MAPK3: variants seen among roughly 807,000 people sequenced by gnomAD.
MAPK3 encodes MAPK 1.
Under a neutral mutation model 41.8 loss-of-function variants are expected in MAPK3, and 30 were observed. That is an observed-to-expected ratio of 0.72 (90% CI 0.54 to 0.97). The LOEUF is 0.97. Among genes scored for constraint, MAPK3 ranks in the 50% least tolerant of loss-of-function variants. The probability of loss-of-function intolerance (pLI) is 0.00; values close to 1 mark genes in which losing one functional copy is unlikely to be tolerated. For synonymous variants in MAPK3, 222 were observed against 213.4 expected (o/e 1.04, Z -0.35); for missense variants, 413 against 509.9 (o/e 0.81, Z 1.83).
In MAPK3 at chr16:30,117,576, C is replaced by T. The variant is rs1018175682; in HGVS notation, c.775+94G>A. 16 of 955,546 alleles carry T rather than the reference C, an allele frequency of 1.7e-5. No individual in the cohort carries two copies. The African/African-American group carries it at 2.6e-4, about 15-fold the overall frequency. 59.2% of individuals were successfully genotyped at this position (955,546 alleles called of 1,614,324 possible). A position where few individuals can be genotyped will look rare whatever the true frequency, so the allele number is the denominator to read the frequency against. On this transcript the variant is annotated intron_variant, in intron 5 of 8. Transcript: ENST00000263025. ...AGATACCATGAGATGCTGGAGGCAC[C>T]CCACACGTGGTGGTATCCCTGACTT...
intron 2 of MAPK3, among the ~76,000 whole-genome samples, chr16:30,121,275 A>T (rs942164052): frequency 1.3e-5 from 2 of 151,630 alleles, no homozygotes; most frequent in Non-Finnish European, 2.9e-5. Flanking sequence ...TGCCCCGCTA[A>T]TTTTTTTGTA....
Position 30,122,007 on chromosome 16 carries a change from C to T in MAPK3, c.171-1G>A. 6.2e-7 allele frequency: 1 copy of T among 1,613,904 alleles called. No homozygotes were observed. The highest frequency in any genetic ancestry group is 8.5e-7 in the Non-Finnish European group (1 of 1,180,024). ...CTTGCGCACGTGGTCATAGGCCGAG[C>T]TGAGGGGACCGGAGAGAGGCTGCTG... On this transcript the variant is annotated splice_acceptor_variant, in intron 1 of 8. Transcript: ENST00000263025. LOFTEE classifies it high-confidence loss of function.
intron 5 of MAPK3, 36 bp downstream of exon 5, chr16:30,117,634 A>G (rs1041270599): frequency 6.5e-7 from 1 of 1,531,068 alleles, no homozygotes; most frequent in Non-Finnish European, 9.1e-7. Flanking sequence ...CGGAAAAGCT[A>G]ATCATCCCCA....
intron 7 of MAPK3, 50 bp from the exon 8 acceptor site, chr16:30,116,840 C>A (rs376026029): frequency 6.2e-7 from 1 of 1,613,256 alleles, no homozygotes; most frequent in Admixed American, 1.7e-5. Flanking sequence ...GGGATGCCTA[C>A]GTGCCCCCCT....
intron 2 of MAPK3, 27 bp from the exon 3 acceptor site, chr16:30,118,565 A>G (rs1230402536): frequency 1.9e-6 from 3 of 1,590,170 alleles, no homozygotes. Context: ...AGACCCCCCC[A>G]GGCAGGGGGC....
intron 2 of MAPK3, among the ~76,000 whole-genome samples, chr16:30,121,141 C>G (rs915946021): frequency 1.3e-5 from 2 of 152,144 alleles, no homozygotes; most frequent in African/African-American, 4.8e-5. Flanking sequence ...CAGAGTCTCG[C>G]TCTGTCACCC....
At chr16:30,120,824 T>C (rs2073008710) in intron 2 of MAPK3, among the ~76,000 whole-genome samples, 1 of 150,184 alleles carries the variant, frequency 6.7e-6, no homozygotes, top group Non-Finnish European at 1.5e-5. Flanking sequence ...GCTGGGACTA[T>C]AGTCGTGTAC....
At position 30,118,475 on chromosome 16, in the gene MAPK3, G is replaced by T; in HGVS notation, c.417C>A (p.Ser139Arg). 6.2e-7 allele frequency: 1 copy of T among 1,614,076 alleles called. No homozygotes were observed. The highest frequency in any genetic ancestry group is 8.5e-7 in the Non-Finnish European group (1 of 1,180,004). ...LYKLLKSQQL[S>R]NDHICYFLYQ... ...AGAGGAAGTAGCAGATATGGTCATT[G>T]CTCAGCTGCTGGCTTTTCAGCAACT... is the stretch of plus-strand genomic sequence containing the variant. The change falls in exon 3 of 9, where the codon AGC becomes AGA. Residue 139 changes from serine to arginine, a missense_variant. This residue lies in a region of MAPK3 where 140 missense variants were observed against 206.0 expected (regional missense o/e 0.68). Coordinates refer to ENST00000263025, the MANE Select transcript of MAPK3 (RefSeq NM_002746.3).
chr16:30,116,923 G>A lies in MAPK3; in HGVS notation c.988C>T (p.Leu330=), dbSNP rs778983958. 1 of 1,613,974 alleles carries A rather than the reference G, an allele frequency of 6.2e-7. No individual in the cohort carries two copies. Among genetic ancestry groups the A allele is most frequent in the Non-Finnish European group, 8.5e-7 (1 of 1,179,946 alleles). The change falls in exon 7 of 9, where the codon CTG becomes TTG. Residue 330 remains leucine, a synonymous_variant. Coordinates refer to ENST00000263025, the MANE Select transcript of MAPK3 (RefSeq NM_002746.3). ...TVEEALAHPY[L]EQYYDPTDEP... ...TCCGTCGGGTCATAGTACTGCTCCA[G>A]GTAGGGGTGAGCCAGCGCTTCCTCC...
intron 2 of MAPK3, 143 bp downstream of exon 2, chr16:30,121,681 G>T (rs1307126985): frequency 4.7e-6 from 4 of 844,442 alleles, no homozygotes; most frequent in Non-Finnish European, 1.8e-6. Context: ...GTTACACTGT[G>T]GCTTCCCCTC....
rs777789465 is a variant in MAPK3, at chr16:30,117,812, C to T, written c.661-28G>A. ...GGGGGAGAGGAGGAAGTGGTGAGCT[C>T]CTGGGCCAGCCTCAACAGGGTCCTG... On this transcript the variant is annotated intron_variant, in intron 4 of 8. Coordinates refer to ENST00000263025, the MANE Select transcript of MAPK3 (RefSeq NM_002746.3). 8.4e-6 allele frequency: 13 copies of T among 1,547,104 alleles called. No individual in the cohort carries two copies. In the East Asian group the frequency reaches 9.0e-5, roughly 11 times the overall value.
In MAPK3 at chr16:30,114,677, C is replaced by G. The variant is rs895904220; in HGVS notation, c.*64G>C. 1.3e-5 allele frequency: 2 copies of G among 152,910 alleles called. No homozygotes were observed. Among genetic ancestry groups the G allele is most frequent in the East Asian group, 1.9e-4 (1 of 5,156 alleles). 9.5% of individuals were successfully genotyped at this position (152,910 alleles called of 1,614,324 possible). ...GGCACAGTGTCCATTTTCTAACAGTCTGGCGGGAGAGGGGCAGGCAGGAGG... is the reference window on the plus strand; with the variant it reads ...GGCACAGTGTCCATTTTCTAACAGTGTGGCGGGAGAGGGGCAGGCAGGAGG... On this transcript the variant is annotated 3_prime_UTR_variant, in exon 9 of 9. Coordinates refer to ENST00000263025, the MANE Select transcript of MAPK3 (RefSeq NM_002746.3).
chr16:30,122,053 A>G, intron 1 of MAPK3, 47 bp from the exon 2 acceptor site: 2 of 1,601,544 alleles, frequency 1.2e-6, no homozygotes, highest in Non-Finnish European at 1.7e-6. Context: ...ACAAAGGGGG[A>G]GTCCGGGCCT....
At chr16:30,120,245 G>A (rs1217757553) in intron 2 of MAPK3, among the ~76,000 whole-genome samples, 2 of 152,208 alleles carry the variant, frequency 1.3e-5, no homozygotes, top group Non-Finnish European at 2.9e-5. Context: ...GACCAGCCCT[G>A]CTGTTTTAGG....
Position 30,123,066 on chromosome 16 carries a change from G to T in MAPK3, c.144C>A (p.Ile48=). Residue 48 remains isoleucine, a synonymous_variant, in exon 1 of 9, where the codon ATC becomes ATA. Coordinates refer to ENST00000263025, the MANE Select transcript of MAPK3 (RefSeq NM_002746.3). ...TGACCATGCCGTACGCGCCCTCGCC[G>T]ATGTACTGCAACTGCGTGTAGCGCG... ...VGPRYTQLQY[I]GEGAYGMVSS... The T allele has an allele frequency of 6.7e-7, 1 of 1,490,428 alleles. No homozygotes were observed. The highest frequency in any genetic ancestry group is 9.0e-7 in the Non-Finnish European group (1 of 1,115,786). The allele number at this position is 1,490,428 out of a possible 1,614,324, so 92.3% of individuals were successfully genotyped here.
At position 30,123,206 on chromosome 16, in the gene MAPK3, C is replaced by T; in HGVS notation, c.4G>A (p.Ala2Thr). The change falls in exon 1 of 9, where the codon GCG becomes ACG. Residue 2 changes from alanine (A) to threonine (T), a missense_variant. Ala to Thr is a moderately conservative substitution (Grantham distance 58). Coordinates refer to ENST00000263025, the MANE Select transcript of MAPK3 (RefSeq NM_002746.3). ...CCGCCCCCCTGAGCCGCCGCCGCCG[C>T]CATCTCCACTCCTCCCCTCCCACCG... The part of the protein sequence containing the change: M[A>T]AAAAQGGGGG... 2 of 1,206,164 alleles carry T rather than the reference C, an allele frequency of 1.7e-6. No individual in the cohort carries two copies. The highest frequency in any genetic ancestry group is 1.1e-6 in the Non-Finnish European group (1 of 905,268). The allele number at this position is 1,206,164 out of a possible 1,614,324, so 74.7% of individuals were successfully genotyped here.
At position 30,117,220 on chromosome 16, in the gene MAPK3, G is replaced by A; in HGVS notation, c.841C>T (p.Leu281=). 1 of 1,614,142 alleles carries A rather than the reference G, an allele frequency of 6.2e-7. No individual in the cohort carries two copies. The highest frequency in any genetic ancestry group is 1.1e-5 in the South Asian group (1 of 91,072). ...TTGGTCTTGGAGGGCAGAGACTGTA[G>A]GTAGTTTCGGGCCTTCATGTTGATG... ...CIINMKARNY[L]QSLPSKTKVA... Residue 281 remains leucine (L), a synonymous_variant, in exon 6 of 9, where the codon CTA becomes TTA. Transcript: ENST00000263025.
chr16:30,115,961 G>A (rs1036764692), intron 8 of MAPK3: 3 of 151,818 alleles, frequency 2.0e-5, no homozygotes, highest in African/African-American at 7.3e-5. Flanking sequence ...GTTTCACCAT[G>A]TTGGCCAGGC....
At chr16:30,122,034 T>A in intron 1 of MAPK3, 28 bp from the exon 2 acceptor site, 1 of 1,612,674 alleles carries the variant, frequency 6.2e-7, no homozygotes, top group Admixed American at 1.7e-5. Flanking sequence ...AGGCTGCTGC[T>A]GTGGCCTTAC....
Sources: gnomAD v4.1 joint callset for allele counts (sites outside exome capture counted in the v4.1 genomes callset) on GRCh38, gnomAD v4.1.1 for gene constraint, gnomAD v4.1.1 regional missense constraint, MANE v1.5 for transcripts, NCBI Gene and HGNC (gene_info 2026-07-23, HGNC 2026-07-21) for gene names.